ZNF804A: variants seen among roughly 807,000 people sequenced by gnomAD.
ZNF804A encodes the protein zinc finger protein 804A.
In ZNF804A, 2 loss-of-function variants were observed where a neutral mutation model predicts 16.5. The ratio of observed to expected loss-of-function variants is 0.12; its 90% CI spans 0.05 to 0.38. The LOEUF (loss-of-function observed/expected upper bound fraction) is 0.38. Among genes scored for constraint, ZNF804A ranks in the 10% least tolerant of loss-of-function variants. ZNF804A has a pLI of 0.99. For missense variants in ZNF804A, 1,473 were observed against 1,390.7 expected (o/e 1.06, Z -0.94); for synonymous variants, 534 against 489.6 (o/e 1.09, Z -1.20).
At chr2:184,927,607 G>A (rs1178033464) in intron 2 of ZNF804A, among the ~76,000 whole-genome samples, 8 of 152,188 alleles carry the variant, frequency 5.3e-5, no homozygotes, top group Admixed American at 4.6e-4. Flanking sequence ...CAGAGGTTAT[G>A]TCTTAAAGCC....
At chr2:184,627,119 T>C (rs1448197495) in intron 1 of ZNF804A, among the ~76,000 whole-genome samples, 2 of 152,178 alleles carry the variant, frequency 1.3e-5, no homozygotes, top group Admixed American at 1.3e-4. Flanking sequence ...GTTAGCAAAC[T>C]AGTCTGGAAT....
chr2:184,626,742 T>A (rs1313886931), intron 1 of ZNF804A, among the ~76,000 whole-genome samples: 2 of 152,190 alleles, frequency 1.3e-5, no homozygotes, highest in Non-Finnish European at 2.9e-5. Context: ...TATAATTAAA[T>A]GACTAGTGTA....
chr2:184,605,160 G>T (rs1255746950), intron 1 of ZNF804A, among the ~76,000 whole-genome samples: 1 of 151,964 alleles, frequency 6.6e-6, no homozygotes, highest in African/African-American at 2.4e-5. Flanking sequence ...TTCCTATCGT[G>T]TCCATTTAAC....
intron 1 of ZNF804A, among the ~76,000 whole-genome samples, chr2:184,792,314 T>C (rs1012509551): frequency 1.7e-4 from 26 of 152,190 alleles, no homozygotes; most frequent in Non-Finnish European, 2.4e-4. Context: ...ATGCCCAACA[T>C]CGTTGTAAGA....
At chr2:184,724,107 C>G (rs989276375) in intron 1 of ZNF804A, among the ~76,000 whole-genome samples, 18 of 151,562 alleles carry the variant, frequency 1.2e-4, no homozygotes, top group Non-Finnish European at 2.1e-4. Flanking sequence ...AATCTCCTAG[C>G]ACTCATATGT....
At chr2:184,855,193 G>C (rs982529634) in intron 1 of ZNF804A, among the ~76,000 whole-genome samples, 5 of 151,972 alleles carry the variant, frequency 3.3e-5, no homozygotes, top group African/African-American at 1.2e-4. Flanking sequence ...GACTGTGCTG[G>C]GATATGCTAA....
chr2:184,679,459 G>A (rs1482098498), intron 1 of ZNF804A, among the ~76,000 whole-genome samples: 1 of 152,128 alleles, frequency 6.6e-6, no homozygotes, highest in Non-Finnish European at 1.5e-5. Context: ...TGGGGCAGGA[G>A]CCCCACCCTC....
intron 2 of ZNF804A, among the ~76,000 whole-genome samples, chr2:184,882,926 A>G (rs1684830834): frequency 6.6e-6 from 1 of 152,168 alleles, no homozygotes; most frequent in South Asian, 2.1e-4. Flanking sequence ...GAAAAGAAAT[A>G]ACTGAAATCA....
Position 184,779,608 on chromosome 2 carries a change from A to G in ZNF804A, c.112-86761A>G, listed in dbSNP as rs1023106565. ...AATGGCCCTTAAGTGCAAAAGAGGT[A>G]GAAGAGTCCCTGTCAGAGTGACTTG... On this transcript the variant is annotated intron_variant, in intron 1 of 3. Transcript: ENST00000302277. 3.3e-5 allele frequency among the ~76,000 whole-genome samples: 5 copies of G among 151,800 alleles called. No homozygotes were observed. In the South Asian group the frequency reaches 1.0e-3, roughly 32 times the overall value.
chr2:184,766,968 G>T (rs73978101), intron 1 of ZNF804A, among the ~76,000 whole-genome samples: 4,566 of 152,126 alleles, frequency 0.03, 232 homozygotes, highest in African/African-American at 0.1. Flanking sequence ...GTCCTTATAA[G>T]AACAGCAGGA....
At chr2:184,646,412 T>C (rs1485817512) in intron 1 of ZNF804A, among the ~76,000 whole-genome samples, 8 of 152,152 alleles carry the variant, frequency 5.3e-5, no homozygotes, top group African/African-American at 1.9e-4. Flanking sequence ...CCTTGAGATG[T>C]TGGTGCATCA....
intron 1 of ZNF804A, among the ~76,000 whole-genome samples, chr2:184,753,286 A>C (rs1268543127): frequency 6.6e-6 from 1 of 151,724 alleles, no homozygotes; most frequent in Non-Finnish European, 1.5e-5. Context: ...TCAAGGCAAT[A>C]GGCAATAGGC....
intron 1 of ZNF804A, among the ~76,000 whole-genome samples, chr2:184,711,384 T>C (rs552606693): frequency 8.6e-4 from 130 of 151,950 alleles, no homozygotes; most frequent in African/African-American, 2.7e-3. Flanking sequence ...TTGTAGAAGT[T>C]ACCTGCATAT....
chr2:184,727,709 G>A (rs1456781118), intron 1 of ZNF804A, among the ~76,000 whole-genome samples: 3 of 151,582 alleles, frequency 2.0e-5, no homozygotes, highest in East Asian at 3.9e-4. Context: ...TGCATGCAAT[G>A]CTTAATGATT....
At chr2:184,679,855 G>A (rs576212490) in intron 1 of ZNF804A, among the ~76,000 whole-genome samples, 124 of 152,244 alleles carry the variant, frequency 8.1e-4, no homozygotes, top group African/African-American at 2.7e-3. Context: ...GGTTAATGGC[G>A]GCAGGGAGCA....
chr2:184,807,003 T>C (rs1300754091), intron 1 of ZNF804A, among the ~76,000 whole-genome samples: 1 of 151,794 alleles, frequency 6.6e-6, no homozygotes, highest in Admixed American at 6.6e-5. Context: ...TTTTCACTGA[T>C]GAGGAAACAT....
At chr2:184,823,917 A>G (rs774281282) in intron 1 of ZNF804A, among the ~76,000 whole-genome samples, 1 of 152,222 alleles carries the variant, frequency 6.6e-6, no homozygotes, top group Non-Finnish European at 1.5e-5. Context: ...TATCAAAAAT[A>G]CTAAAGAGCA....
intron 1 of ZNF804A, among the ~76,000 whole-genome samples, chr2:184,704,531 A>G (rs1052619905): frequency 6.6e-6 from 1 of 152,176 alleles, no homozygotes. Flanking sequence ...AAGATGTTCA[A>G]AGTTATAGTT....
chr2:184,662,835 T>G (rs768681792), intron 1 of ZNF804A, among the ~76,000 whole-genome samples: 3 of 152,210 alleles, frequency 2.0e-5, no homozygotes, highest in Non-Finnish European at 2.9e-5. Context: ...GAGACTACCC[T>G]TTATTTAATA....
Sources: gnomAD v4.1 joint callset for allele counts (sites outside exome capture counted in the v4.1 genomes callset) on GRCh38, gnomAD v4.1.1 for gene constraint, MANE v1.5 for transcripts, NCBI Gene and HGNC (gene_info 2026-07-23, HGNC 2026-07-21) for gene names.